NRXN1: variants seen among roughly 807,000 people sequenced by gnomAD.
NRXN1 encodes the protein neurexin 1.
Under a neutral mutation model 150.9 loss-of-function variants are expected in NRXN1, and 39 were observed. That is an observed-to-expected ratio of 0.26 (90% confidence interval 0.20 to 0.34). The LOEUF is 0.34. Among genes scored for constraint, NRXN1 ranks in the 10% least tolerant of loss-of-function variants. The pLI, the probability that NRXN1 is intolerant of heterozygous loss-of-function variation, is 1.00. For missense variants in NRXN1, 1,815 were observed against 1,949.9 expected (o/e 0.93, Z 1.30); for synonymous variants, 924 against 757.0 (o/e 1.22, Z -3.62).
At chr2:50,815,909 TCTTCAGAGAACCCATGTAAA>T (rs1668864130) in intron 5 of NRXN1, among the ~76,000 whole-genome samples, 1 of 152,248 alleles carries the variant, frequency 6.6e-6, no homozygotes, top group South Asian at 2.1e-4. Context: ...AGAATATCTC[TCTTCAGAGAACCCATGTAAA>T]TAAATTAGCT....
At chr2:50,418,448 A>G (rs1459345922) in intron 17 of NRXN1, among the ~76,000 whole-genome samples, 2 of 152,088 alleles carry the variant, frequency 1.3e-5, no homozygotes, top group Admixed American at 6.6e-5. Context: ...TAACAATTGT[A>G]AAATCTCCAA....
At chr2:50,795,048 T>C (rs1189562998) in intron 5 of NRXN1, among the ~76,000 whole-genome samples, 1 of 152,156 alleles carries the variant, frequency 6.6e-6, no homozygotes, top group Non-Finnish European at 1.5e-5. Context: ...TCTCTGTGCA[T>C]TACTATCAAG....
intron 17 of NRXN1, among the ~76,000 whole-genome samples, chr2:50,382,963 G>C (rs17040527): frequency 0.015 from 2,332 of 152,138 alleles, 31 homozygotes; most frequent in East Asian, 0.042. Context: ...TATCCTCACA[G>C]TATCTACCTC....
intron 12 of NRXN1, among the ~76,000 whole-genome samples, chr2:50,527,170 C>T (rs185156392): frequency 1.3e-5 from 2 of 152,196 alleles, no homozygotes; most frequent in East Asian, 1.9e-4. Context: ...GAATATTGGT[C>T]CCCACAAGGA....
intron 17 of NRXN1, among the ~76,000 whole-genome samples, chr2:50,436,214 G>A (rs2085413116): frequency 6.6e-6 from 1 of 152,164 alleles, no homozygotes; most frequent in Non-Finnish European, 1.5e-5. Context: ...AGCACTTTGA[G>A]AGGCCGAGGC....
At chr2:50,476,000 A>C (rs928763961) in intron 15 of NRXN1, among the ~76,000 whole-genome samples, 2 of 152,092 alleles carry the variant, frequency 1.3e-5, no homozygotes, top group African/African-American at 2.4e-5. Flanking sequence ...GTAAAAGCCA[A>C]CTTTCCTGTA....
At chr2:50,395,735 T>C (rs1209472135) in intron 17 of NRXN1, among the ~76,000 whole-genome samples, 2 of 152,150 alleles carry the variant, frequency 1.3e-5, no homozygotes, top group Non-Finnish European at 2.9e-5. Flanking sequence ...CCATGAGGTA[T>C]AAGGTTCCCT....
chr2:50,666,071 G>T (rs1014860605), intron 5 of NRXN1, among the ~76,000 whole-genome samples: 4 of 151,782 alleles, frequency 2.6e-5, no homozygotes, highest in Admixed American at 1.3e-4. Context: ...CGATTCTCCT[G>T]GTAGGAGGCC....
Position 50,228,940 on chromosome 2 carries a change from C to T in NRXN1, c.3546+7849G>A, listed in dbSNP as rs142407904. Among the ~76,000 whole-genome samples the T allele has an allele frequency of 3.9e-5, 6 of 151,970 alleles. No homozygotes were observed. In the East Asian group the frequency reaches 5.8e-4, roughly 15 times the overall value. On this transcript the variant is annotated intron_variant, in intron 18 of 22. Transcript: ENST00000401669. The stretch of plus-strand genomic sequence containing the variant: ...AGGAGAGAGGCCTCCTCTGTGTTGT[C>T]GATATAAGAATCCCTAGTTCTGGTC...
At chr2:50,613,578 G>A (rs1678541976) in intron 8 of NRXN1, among the ~76,000 whole-genome samples, 1 of 152,176 alleles carries the variant, frequency 6.6e-6, no homozygotes, top group African/African-American at 2.4e-5. Flanking sequence ...GTACTTGAGT[G>A]AAGGGACTTC....
intron 13 of NRXN1, among the ~76,000 whole-genome samples, chr2:50,501,772 T>A (rs893632200): frequency 1.3e-5 from 2 of 152,132 alleles, no homozygotes; most frequent in Non-Finnish European, 2.9e-5. Context: ...GAAATCTCCT[T>A]CCTTGGGCTT....
chr2:50,431,971 T>C (rs371924888), intron 17 of NRXN1, among the ~76,000 whole-genome samples: 2 of 152,234 alleles, frequency 1.3e-5, no homozygotes, highest in African/African-American at 2.4e-5. Flanking sequence ...AGCATCACTG[T>C]ATGTAATCCT....
Position 50,107,044 on chromosome 2 carries a change from G to A in NRXN1, c.3547-15550C>T, listed in dbSNP as rs558965033. Among the ~76,000 whole-genome samples, 4 of 151,956 alleles carry A rather than the reference G, an allele frequency of 2.6e-5. No homozygotes were observed. The East Asian group carries it at 5.8e-4, about 22-fold the overall frequency. The stretch of plus-strand genomic sequence containing the variant: ...TGATAGAGCATCAAGGCAAAAGCAG[G>A]CAATACTTAAGTTCTCCAAATAAAT... On this transcript the variant is annotated intron_variant, in intron 18 of 22. Transcript: ENST00000401669.
intron 5 of NRXN1, among the ~76,000 whole-genome samples, chr2:50,672,346 A>C (rs1262631146): frequency 6.6e-6 from 1 of 151,734 alleles, no homozygotes; most frequent in East Asian, 1.9e-4. Flanking sequence ...GTGGAGTGTA[A>C]TTGCTAAAGT....
chr2:50,456,754 A>G (rs570286421), intron 17 of NRXN1, among the ~76,000 whole-genome samples: 12 of 152,198 alleles, frequency 7.9e-5, no homozygotes, highest in Admixed American at 2.0e-4. Context: ...ATCTTGTATT[A>G]ACTTTTAATA....
At chr2:50,045,322 C>A (rs1435565716) in intron 21 of NRXN1, among the ~76,000 whole-genome samples, 1 of 152,146 alleles carries the variant, frequency 6.6e-6, no homozygotes, top group African/African-American at 2.4e-5. Flanking sequence ...GGTTAACACA[C>A]ACATACACTT....
intron 17 of NRXN1, among the ~76,000 whole-genome samples, chr2:50,455,056 C>G (rs887904497): frequency 6.6e-6 from 1 of 152,118 alleles, no homozygotes; most frequent in Non-Finnish European, 1.5e-5. Context: ...TTGACTACAC[C>G]AGTGTGTCTC....
chr2:50,410,491 T>C (rs1173238668), intron 17 of NRXN1, among the ~76,000 whole-genome samples: 2 of 152,232 alleles, frequency 1.3e-5, no homozygotes, highest in African/African-American at 2.4e-5. Context: ...TTGTATGTTG[T>C]ATATTCTTAA....
intron 17 of NRXN1, among the ~76,000 whole-genome samples, chr2:50,329,648 TA>T (rs1558536860): frequency 0.02 from 204 of 10,106 alleles, 9 homozygotes; most frequent in Non-Finnish European, 0.024. Flanking sequence ...TATATATATA[TA>T]TATATATATA....
Sources: gnomAD v4.1 joint callset for allele counts (sites outside exome capture counted in the v4.1 genomes callset) on GRCh38, gnomAD v4.1.1 for gene constraint, MANE v1.5 for transcripts, NCBI Gene and HGNC (gene_info 2026-07-23, HGNC 2026-07-21) for gene names.